The following PRRT1 variants were observed in gnomAD, a reference collection of about 807,000 sequenced individuals.
PRRT1 encodes proline-rich transmembrane protein 1.
PRRT1 carries 8 observed loss-of-function variants against 22.6 expected under a neutral mutation model. That is an observed-to-expected ratio of 0.35 (90% CI 0.21 to 0.64). The LOEUF (loss-of-function observed/expected upper bound fraction) is 0.64. Ranked by LOEUF, PRRT1 falls within the 30% of genes least tolerant of loss-of-function variation. The probability of loss-of-function intolerance (pLI) is 0.69; values close to 1 mark genes in which losing one functional copy is unlikely to be tolerated. For synonymous variants in PRRT1, 176 were observed against 203.6 expected (o/e 0.86, Z 1.15); for missense variants, 315 against 444.5 (o/e 0.71, Z 2.62).
upstream of PRRT1, among the ~76,000 whole-genome samples, chr6:32,152,340 C>G (rs188085459): frequency 3.7e-3 from 571 of 152,292 alleles, 7 homozygotes; most frequent in African/African-American, 0.012. Context: ...CCAGGGTCTT[C>G]TCCCAAATCC....
rs554698543 is a variant in PRRT1, at chr6:32,151,672, G to T, written c.19+137C>A. 19 of 635,048 alleles carry T rather than the reference G, an allele frequency of 3.0e-5. No individual in the cohort carries two copies. The Admixed American group carries it at 4.1e-4, about 14-fold the overall frequency. The allele number at this position is 635,048 out of a possible 1,614,324, so 39.3% of individuals were successfully genotyped here. ...GGAGACAGAAAGAGGAGGGGGACTG[G>T]GGGAGTGTTGAGAGCTGGAGAGAAG... On this transcript the variant is annotated intron_variant, in intron 1 of 3. Coordinates refer to ENST00000211413, the MANE Select transcript of PRRT1 (RefSeq NM_030651.4).
At position 32,150,671 on chromosome 6, in the gene PRRT1, G is replaced by T; in HGVS notation, c.255C>A (p.Pro85=). ...CAGCAGGGCCGGGAGGGGCGTGGTG[G>T]GGGGGCCTCGGCAGCGTGGCAGAGG... ...PSSSATLPRP[P]HHAPPGPAAG... The change falls in exon 2 of 4, where the codon CCC becomes CCA. Residue 85 remains proline, a synonymous_variant. Transcript: ENST00000211413. This position sits in a 1 kb window ranked among gnomAD's most constrained non-coding sequence, Gnocchi z 7.2. 1 of 1,428,064 alleles carries T rather than the reference G, an allele frequency of 7.0e-7. No homozygotes were observed. The allele number at this position is 1,428,064 out of a possible 1,614,324, so 88.5% of individuals were successfully genotyped here.
rs1476362601 is a variant in PRRT1, at chr6:32,148,441, A to AGGGGAGC, written c.*774_*780dup. 10 of 255,404 alleles carry AGGGGAGC rather than the reference A, an allele frequency of 3.9e-5. No individual in the cohort carries two copies. The highest frequency in any genetic ancestry group is 5.5e-5 in the Non-Finnish European group (7 of 126,566). 15.8% of individuals were successfully genotyped at this position (255,404 alleles called of 1,614,324 possible). A position where few individuals can be genotyped will look rare whatever the true frequency, so the allele number is the denominator to read the frequency against. ...AGATCAGAACAAGGCGGGGCCGCCGAGGGGAGCGGGGAGCGGGGACTTGGG... is the reference window on the plus strand; with the variant it reads ...AGATCAGAACAAGGCGGGGCCGCCGAGGGGAGCGGGGAGCGGGGAGCGGGGACTTGGG... On this transcript the variant is annotated 3_prime_UTR_variant, in exon 4 of 4. Coordinates refer to ENST00000211413, the MANE Select transcript of PRRT1 (RefSeq NM_030651.4). The surrounding 1 kb of genome is among the most constrained non-coding windows in gnomAD (Gnocchi z 5.7).
At chr6:32,151,010 A>C in intron 1 of PRRT1, 104 bp from the exon 2 acceptor site, 5 of 928,040 alleles carry the variant, frequency 5.4e-6, no homozygotes, top group Non-Finnish European at 8.5e-6. Flanking sequence ...GAGAAAGATA[A>C]TGGGAGAGAC....
chr6:32,151,058 G>A, intron 1 of PRRT1, 152 bp from the exon 2 acceptor site: 2 of 754,112 alleles, frequency 2.7e-6, no homozygotes, highest in Non-Finnish European at 4.6e-6. Context: ...TCTCTAATTT[G>A]AGGGGCAAGA....
At chr6:32,151,037 G>T in intron 1 of PRRT1, 131 bp from the exon 2 acceptor site, 1 of 806,188 alleles carries the variant, frequency 1.2e-6, no homozygotes, top group Non-Finnish European at 2.1e-6. Context: ...AGAGAGACGG[G>T]TGAGAAACCA....
In PRRT1 at chr6:32,150,593, A is replaced by G; in HGVS notation, c.333T>C (p.Pro111=). 1 of 1,372,452 alleles carries G rather than the reference A, an allele frequency of 7.3e-7. No individual in the cohort carries two copies. The highest frequency in any genetic ancestry group is 9.4e-7 in the Non-Finnish European group (1 of 1,066,880). 85.0% of individuals were successfully genotyped at this position (1,372,452 alleles called of 1,614,324 possible). The change falls in exon 2 of 4, where the codon CCT becomes CCC. Residue 111 remains proline, a synonymous_variant. Transcript: ENST00000211413. The surrounding 1 kb of genome is among the most constrained non-coding windows in gnomAD (Gnocchi z 7.2). The part of the protein sequence containing the change: ...CATLPRMPPD[P]YLQETRFEGP... ...CCTCGAAGCGAGTCTCCTGCAGGTA[A>G]GGGTCGGGTGGCATGCGGGGCAAGG...
At position 32,148,707 on chromosome 6, in the gene PRRT1, G is replaced by T; in HGVS notation, c.*515C>A. ...ACTTGCAAAAAACAGGAGTGTGGGGGCCTTACTACCCCAGGGCTCGGTCCT... is the reference window on the plus strand; with the variant it reads ...ACTTGCAAAAAACAGGAGTGTGGGGTCCTTACTACCCCAGGGCTCGGTCCT... On this transcript the variant is annotated 3_prime_UTR_variant, in exon 4 of 4. Transcript: ENST00000211413. The surrounding 1 kb of genome is among the most constrained non-coding windows in gnomAD (Gnocchi z 5.7). The T allele has an allele frequency of 2.3e-6, 1 of 440,180 alleles. No individual in the cohort carries two copies. The highest frequency in any genetic ancestry group is 1.6e-5 in the South Asian group (1 of 63,854). The allele number at this position is 440,180 out of a possible 1,614,324, so 27.3% of individuals were successfully genotyped here. A position where few individuals can be genotyped will look rare whatever the true frequency, so the allele number is the denominator to read the frequency against.
chr6:32,152,399 G>A (rs1210386897), upstream of PRRT1, among the ~76,000 whole-genome samples: 1 of 152,168 alleles, frequency 6.6e-6, no homozygotes, highest in Non-Finnish European at 1.5e-5. Flanking sequence ...TTGTGTGTGA[G>A]AGAGAATTGT....
intron 1 of PRRT1, chr6:32,151,359 G>T (rs955594553): frequency 1.7e-5 from 7 of 410,706 alleles, no homozygotes; most frequent in East Asian, 5.4e-5. Flanking sequence ...TTCCTTCAGT[G>T]GGGGGAGGAG....
Position 32,149,630 on chromosome 6 carries a change from C to T in PRRT1, c.651G>A (p.Arg217=), listed in dbSNP as rs1482618482. The T allele has an allele frequency of 6.2e-7, 1 of 1,612,824 alleles. No individual in the cohort carries two copies. Among genetic ancestry groups the T allele is most frequent in the Non-Finnish European group, 8.5e-7 (1 of 1,179,980 alleles). ...QGPGLALLEP[R]RPPHDYMPIA... ...TGGGCATGTAGTCGTGTGGCGGGCG[C>T]CTCGGCTCCAGTAGGGCCAGCCCTG... is the stretch of plus-strand genomic sequence containing the variant. Residue 217 remains arginine (R), a synonymous_variant, in exon 3 of 4, where the codon AGG becomes AGA. Coordinates refer to ENST00000211413, the MANE Select transcript of PRRT1 (RefSeq NM_030651.4). The surrounding 1 kb of genome is among the most constrained non-coding windows in gnomAD (Gnocchi z 8.7).
chr6:32,150,014 C>A lies in PRRT1; in HGVS notation c.559-292G>T, dbSNP rs533197470. 1.4e-4 allele frequency among the ~76,000 whole-genome samples: 22 copies of A among 152,042 alleles called. No homozygotes were observed. The highest frequency in any genetic ancestry group is 4.6e-4 in the African/African-American group (19 of 41,402). On this transcript the variant is annotated intron_variant, in intron 2 of 3. Coordinates refer to ENST00000211413, the MANE Select transcript of PRRT1 (RefSeq NM_030651.4). The surrounding 1 kb of genome is among the most constrained non-coding windows in gnomAD (Gnocchi z 7.2). The stretch of plus-strand genomic sequence containing the variant: ...AGACCTTCTTTCTTCCCTCCAGACA[C>A]CTACCAGGCCTCCCCTACCCCCTTA...
chr6:32,151,986 A>AGGGGGGGGGGGGGGGGGGGGGGGGGGGG, upstream of PRRT1: 1 of 75,958 alleles, frequency 1.3e-5, no homozygotes, highest in Non-Finnish European at 2.5e-5. Context: ...GCGGAGGGAG[A>AGGGGGGGGGGGGGGGGGGGGGGGGGGGG]GCGGGGAGGG....
Position 32,149,188 on chromosome 6 carries a change from A to C in PRRT1, c.*34T>G, listed in dbSNP as rs1399399352. 1.2e-6 allele frequency: 2 copies of C among 1,606,312 alleles called. No individual in the cohort carries two copies. Among genetic ancestry groups the C allele is most frequent in the South Asian group, 2.2e-5 (2 of 89,566 alleles). On this transcript the variant is annotated 3_prime_UTR_variant, in exon 4 of 4. Transcript: ENST00000211413. This position sits in a 1 kb window ranked among gnomAD's most constrained non-coding sequence, Gnocchi z 8.7. ...ACTGCAGAAAGAGCCTGGGAGATCG[A>C]GGGGCGCAGAGTGGGGCCGGACCAG... is the stretch of plus-strand genomic sequence containing the variant.
chr6:32,150,582 T>C lies in PRRT1; in HGVS notation c.344A>G (p.Glu115Gly), dbSNP rs1360193996. 1 of 1,374,890 alleles carries C rather than the reference T, an allele frequency of 7.3e-7. No individual in the cohort carries two copies. Among genetic ancestry groups the C allele is most frequent in the African/African-American group, 1.5e-5 (1 of 65,186 alleles). The allele number at this position is 1,374,890 out of a possible 1,614,324, so 85.2% of individuals were successfully genotyped here. Reference protein sequence around the residue: ...PRMPPDPYLQETRFEGPLPPP... With the variant: ...PRMPPDPYLQGTRFEGPLPPP... ...GGGAAGTGGGCCCTCGAAGCGAGTCTCCTGCAGGTAAGGGTCGGGTGGCAT... is the reference window on the plus strand; with the variant it reads ...GGGAAGTGGGCCCTCGAAGCGAGTCCCCTGCAGGTAAGGGTCGGGTGGCAT... The change falls in exon 2 of 4, where the codon GAG (glutamate) becomes GGG (glycine). Residue 115 changes from glutamate to glycine, a missense_variant. Physicochemically the swap from Glu to Gly is moderately conservative, Grantham distance 98. Transcript: ENST00000211413. This position sits in a 1 kb window ranked among gnomAD's most constrained non-coding sequence, Gnocchi z 7.2.
Position 32,149,522 on chromosome 6 carries a change from GC to G in PRRT1, c.744+14del. ...CTGTCCCCGCCCCCAAACCGAGTAT[GC>G]CCCTGCCCCCTACCTGCACGGCCTT... On this transcript the variant is annotated intron_variant, in intron 3 of 3. Transcript: ENST00000211413. This position sits in a 1 kb window ranked among gnomAD's most constrained non-coding sequence, Gnocchi z 8.7. The G allele has an allele frequency of 1.2e-6, 2 of 1,607,522 alleles. No individual in the cohort carries two copies. The highest frequency in any genetic ancestry group is 1.7e-6 in the Non-Finnish European group (2 of 1,175,046).
chr6:32,149,146 A>G lies in PRRT1; in HGVS notation c.*76T>C. On this transcript the variant is annotated 3_prime_UTR_variant, in exon 4 of 4. Coordinates refer to ENST00000211413, the MANE Select transcript of PRRT1 (RefSeq NM_030651.4). The surrounding 1 kb of genome is among the most constrained non-coding windows in gnomAD (Gnocchi z 8.7). ...CCAGAAACGGGTGTGCAGGGCGCCC[A>G]TTGGGTCCGCGGTATGACTGCAGAA... 6.6e-7 allele frequency: 1 copy of G among 1,504,650 alleles called. No homozygotes were observed. The highest frequency in any genetic ancestry group is 1.7e-4 in the Middle Eastern group (1 of 5,890). 93.2% of individuals were successfully genotyped at this position (1,504,650 alleles called of 1,614,324 possible).
chr6:32,151,023 A>G (rs1249351636), intron 1 of PRRT1, 117 bp from the exon 2 acceptor site: 2 of 865,394 alleles, frequency 2.3e-6, no homozygotes, highest in South Asian at 2.8e-5. Flanking sequence ...GGAGAGACAC[A>G]TAGAGAGAGA....
chr6:32,152,159 A>G, upstream of PRRT1: 1 of 667,544 alleles, frequency 1.5e-6, no homozygotes, highest in East Asian at 3.2e-5. Flanking sequence ...AGGCTAGACC[A>G]GGCGAGGCGG....
Sources: allele counts gnomAD v4.1 joint callset (sites outside exome capture counted in the v4.1 genomes callset), GRCh38; gene constraint gnomAD v4.1.1; non-coding constraint Gnocchi (gnomAD v3.1); transcripts MANE v1.5; gene names NCBI Gene and HGNC (gene_info 2026-07-23, HGNC 2026-07-21).